The following MOXD1 variants were observed in gnomAD, a reference collection of about 807,000 sequenced individuals.
The protein encoded by MOXD1 is DBH-like monooxygenase protein 1.
A neutral mutation model predicts 66.6 loss-of-function variants in MOXD1; 62 were observed. The observed-to-expected ratio is 0.93, with a 90% CI of 0.76 to 1.15. The LOEUF (loss-of-function observed/expected upper bound fraction) is 1.15. Ranked by LOEUF, MOXD1 falls within the 50% of genes most tolerant of loss-of-function variation. The pLI is 0.00. For synonymous variants in MOXD1, 303 were observed against 281.9 expected (o/e 1.07, Z -0.75); for missense variants, 847 against 754.6 (o/e 1.12, Z -1.44).
At chr6:132,300,934 C>A (rs1774519853) in intron 10 of MOXD1, among the ~76,000 whole-genome samples, 1 of 152,122 alleles carries the variant, frequency 6.6e-6, no homozygotes, top group Non-Finnish European at 1.5e-5. Flanking sequence ...TCATCTCTAA[C>A]CTTTCTAGCC....
chr6:132,303,841 A>ATATATATATATATATATGTG (rs1774621208), intron 10 of MOXD1, among the ~76,000 whole-genome samples: 1 of 48,014 alleles, frequency 2.1e-5, no homozygotes, highest in Non-Finnish European at 3.6e-5. Context: ...GTGTGTATAT[A>ATATATATATATATATATGTG]TATATATATA....
intron 4 of MOXD1, among the ~76,000 whole-genome samples, chr6:132,344,438 G>A (rs551292554): frequency 2.0e-5 from 3 of 152,252 alleles, no homozygotes; most frequent in African/African-American, 7.2e-5. Context: ...CTCTGATAGC[G>A]GCAGGAGGCA....
chr6:132,348,457 G>T (rs1182131503), intron 4 of MOXD1, among the ~76,000 whole-genome samples: 1 of 152,270 alleles, frequency 6.6e-6, no homozygotes, highest in African/African-American at 2.4e-5. Context: ...AAACGCAAGG[G>T]TCATTAGTCT....
intron 1 of MOXD1, 128 bp downstream of exon 1, chr6:132,401,035 C>T (rs2114706072): frequency 4.1e-6 from 5 of 1,212,426 alleles, no homozygotes; most frequent in African/African-American, 3.2e-5. Flanking sequence ...TGAGCGTGGC[C>T]GGGGGCGCGG....
intron 4 of MOXD1, among the ~76,000 whole-genome samples, chr6:132,329,782 C>T (rs541588427): frequency 6.6e-6 from 1 of 152,130 alleles, no homozygotes; most frequent in African/African-American, 2.4e-5. Flanking sequence ...CTGCAAGTTT[C>T]CTTGCACATT....
At chr6:132,380,789 T>C (rs1352419076) in intron 1 of MOXD1, among the ~76,000 whole-genome samples, 1 of 152,236 alleles carries the variant, frequency 6.6e-6, no homozygotes, top group Non-Finnish European at 1.5e-5. Context: ...TATTTACACA[T>C]GGTTAAGACC....
intron 10 of MOXD1, among the ~76,000 whole-genome samples, chr6:132,309,385 G>A (rs1306915152): frequency 6.6e-6 from 1 of 152,000 alleles, no homozygotes. Context: ...AAAAATAAAT[G>A]GAAAAACATT....
At chr6:132,360,710 A>G (rs1776001989) in intron 4 of MOXD1, among the ~76,000 whole-genome samples, 1 of 152,184 alleles carries the variant, frequency 6.6e-6, no homozygotes, top group African/African-American at 2.4e-5. Context: ...TCCCATCCAG[A>G]CTGTGAGGTC....
intron 4 of MOXD1, among the ~76,000 whole-genome samples, chr6:132,338,226 GACC>G (rs1400252528): frequency 6.6e-6 from 1 of 152,126 alleles, no homozygotes; most frequent in African/African-American, 2.4e-5. Flanking sequence ...ATGTGCTCCT[GACC>G]ACCACGTGAT....
chr6:132,366,867 A>T (rs1426435481), intron 4 of MOXD1, among the ~76,000 whole-genome samples: 1 of 152,082 alleles, frequency 6.6e-6, no homozygotes. Context: ...TGGCTATTTC[A>T]TGGCTCTACA....
Position 132,315,634 on chromosome 6 carries a change from C to T in MOXD1, c.1508+1G>A, listed in dbSNP as rs200930739. On this transcript the variant is annotated splice_donor_variant, in intron 10 of 11. Coordinates refer to ENST00000367963, the MANE Select transcript of MOXD1 (RefSeq NM_015529.4). LOFTEE classifies it high-confidence loss of function. ...CATCATAAAATACATTTACTACTTA[C>T]GTGACTGGTCTGTAGATCTCCTTAA... 32 of 1,606,782 alleles carry T rather than the reference C, an allele frequency of 2.0e-5. No individual in the cohort carries two copies. Among genetic ancestry groups the T allele is most frequent in the Admixed American group, 1.2e-4 (7 of 57,708 alleles).
At chr6:132,334,326 C>T (rs1775391942) in intron 4 of MOXD1, among the ~76,000 whole-genome samples, 1 of 152,182 alleles carries the variant, frequency 6.6e-6, no homozygotes, top group Non-Finnish European at 1.5e-5. Context: ...AGTACACTAC[C>T]TCTGAAATTC....
chr6:132,351,083 C>G (rs1370542948), intron 4 of MOXD1, among the ~76,000 whole-genome samples: 1 of 152,104 alleles, frequency 6.6e-6, no homozygotes, highest in Non-Finnish European at 1.5e-5. Context: ...ATATCAACAG[C>G]AAACAGGGAC....
intron 2 of MOXD1, among the ~76,000 whole-genome samples, chr6:132,374,235 T>C (rs1477378524): frequency 1.3e-5 from 2 of 152,174 alleles, no homozygotes; most frequent in East Asian, 1.9e-4. Flanking sequence ...CAAAGATGAG[T>C]CCATTACAAA....
At chr6:132,309,514 C>A (rs1458747506) in intron 10 of MOXD1, among the ~76,000 whole-genome samples, 1 of 152,004 alleles carries the variant, frequency 6.6e-6, no homozygotes, top group Non-Finnish European at 1.5e-5. Context: ...GAATTAGCAA[C>A]AACTATTTTA....
At chr6:132,339,941 C>T (rs1775516151) in intron 4 of MOXD1, among the ~76,000 whole-genome samples, 2 of 149,840 alleles carry the variant, frequency 1.3e-5, no homozygotes, top group Non-Finnish European at 2.9e-5. Context: ...ATGATCTCAG[C>T]TCACTGCAAC....
intron 1 of MOXD1, among the ~76,000 whole-genome samples, chr6:132,377,178 A>G (rs1213845601): frequency 6.6e-6 from 1 of 152,242 alleles, no homozygotes; most frequent in Non-Finnish European, 1.5e-5. Flanking sequence ...AGGTTTGTCA[A>G]AATTCTTATT....
At chr6:132,367,949 G>C (rs902839471) in intron 4 of MOXD1, among the ~76,000 whole-genome samples, 1 of 151,974 alleles carries the variant, frequency 6.6e-6, no homozygotes, top group Admixed American at 6.6e-5. Flanking sequence ...AAGGAGAGAG[G>C]ACTAAGGGAT....
intron 1 of MOXD1, among the ~76,000 whole-genome samples, chr6:132,378,829 T>G (rs1190476675): frequency 6.8e-6 from 1 of 146,456 alleles, no homozygotes; most frequent in East Asian, 2.2e-4. Flanking sequence ...TAATACCAAC[T>G]GTTCACAATT....
Sources: gnomAD v4.1 joint callset for allele counts (sites outside exome capture counted in the v4.1 genomes callset) on GRCh38, gnomAD v4.1.1 for gene constraint, MANE v1.5 for transcripts, NCBI Gene and HGNC (gene_info 2026-07-23, HGNC 2026-07-21) for gene names.